The following PHKB variants were observed in gnomAD, a reference collection of about 807,000 sequenced individuals.
The protein encoded by PHKB is phosphorylase b kinase regulatory subunit beta.
In PHKB, 122 loss-of-function variants were observed where a neutral mutation model predicts 152.1. That is an observed-to-expected ratio of 0.80 (90% CI 0.69 to 0.93). The LOEUF (loss-of-function observed/expected upper bound fraction) is 0.93, where lower values mean the gene tolerates loss of function less well. PHKB is among the 40% of genes least tolerant of loss of function. The probability of loss-of-function intolerance (pLI) is 0.00; values close to 1 mark genes in which losing one functional copy is unlikely to be tolerated. For synonymous variants in PHKB, 436 were observed against 464.9 expected, an observed-to-expected ratio of 0.94 and a Z score of 0.80; for missense variants, 1,304 against 1,328.4, an observed-to-expected ratio of 0.98 and a Z score of 0.29.
chr16:47,642,907 C>T (rs566844708), intron 16 of PHKB, among the ~76,000 whole-genome samples: 123 of 152,246 alleles, frequency 8.1e-4, no homozygotes, highest in African/African-American at 2.6e-3. Flanking sequence ...GCGGAGGCAA[C>T]GTGGAGGGAG....
At position 47,577,801 on chromosome 16, in the gene PHKB, C is replaced by A. The variant is rs1433474604; in HGVS notation, c.711-2494C>A. 2.0e-5 allele frequency among the ~76,000 whole-genome samples: 3 copies of A among 152,086 alleles called. No homozygotes were observed. In the East Asian group the frequency reaches 5.8e-4, roughly 29 times the overall value. On this transcript the variant is annotated intron_variant, in intron 7 of 30. Transcript: ENST00000323584. The stretch of plus-strand genomic sequence containing the variant: ...GATTTTTTTCTTTGTCTTTAATTTT[C>A]AGAAGTTACGATGTGTCTTAGCATG...
chr16:47,650,682 C>A, intron 19 of PHKB, 56 bp downstream of exon 19: 1 of 1,326,044 alleles, frequency 7.5e-7, no homozygotes, highest in Non-Finnish European at 1.1e-6. Flanking sequence ...ACACAGTGAG[C>A]CCTTGGGAAG....
intron 1 of PHKB, among the ~76,000 whole-genome samples, chr16:47,468,292 C>CT (rs756234611): frequency 1.8e-4 from 27 of 152,222 alleles, no homozygotes; most frequent in Non-Finnish European, 2.8e-4. Context: ...TGAGATGGGT[C>CT]TTTAAGAAAT....
chr16:47,680,019 C>G (rs967264126), intron 26 of PHKB, among the ~76,000 whole-genome samples: 4 of 152,076 alleles, frequency 2.6e-5, no homozygotes, highest in South Asian at 2.1e-4. Context: ...TGCATCTATT[C>G]AGATAATCAT....
chr16:47,540,302 C>G (rs1240232310), intron 6 of PHKB, among the ~76,000 whole-genome samples: 1 of 148,208 alleles, frequency 6.7e-6, no homozygotes, highest in Non-Finnish European at 1.5e-5. Context: ...CTCTCGAACT[C>G]TGTTTTCTGT....
At chr16:47,640,484 A>T (rs145144254) in intron 14 of PHKB, among the ~76,000 whole-genome samples, 1,931 of 152,304 alleles carry the variant, frequency 0.013, 20 homozygotes, top group Non-Finnish European at 0.022. Flanking sequence ...GCATTTAATG[A>T]ATATAATGTA....
intron 8 of PHKB, among the ~76,000 whole-genome samples, chr16:47,583,086 C>G (rs1971877291): frequency 6.6e-6 from 1 of 152,166 alleles, no homozygotes; most frequent in African/African-American, 2.4e-5. Context: ...CATGAGCCAC[C>G]ACGCCGGGCC....
Position 47,669,265 on chromosome 16 carries a change from G to C in PHKB, c.2478G>C (p.Leu826Phe). The change falls in exon 26 of 31, where the codon TTG (leucine) becomes TTC (phenylalanine). Residue 826 changes from leucine (L) to phenylalanine (F), a missense_variant. Leu to Phe is a conservative substitution (Grantham distance 22). Transcript: ENST00000323584. ...AAGAAGAAGTTATCTCTAATCCTTT[G>C]TCTCCAAGAGTGATTCAAAACATCA... ...GHEEEVISNP[L>F]SPRVIQNIIY... 2 of 1,613,956 alleles carry C rather than the reference G, an allele frequency of 1.2e-6. No homozygotes were observed. Among genetic ancestry groups the C allele is most frequent in the Non-Finnish European group, 1.7e-6 (2 of 1,179,978 alleles).
intron 7 of PHKB, among the ~76,000 whole-genome samples, chr16:47,553,148 T>C (rs1045110143): frequency 6.6e-6 from 1 of 152,142 alleles, no homozygotes; most frequent in Admixed American, 6.5e-5. Flanking sequence ...GGTTCCATTC[T>C]CCCCATTACT....
intron 13 of PHKB, among the ~76,000 whole-genome samples, chr16:47,604,708 A>G (rs1972292722): frequency 6.6e-6 from 1 of 152,136 alleles, no homozygotes; most frequent in African/African-American, 2.4e-5. Context: ...GATTTTTCTT[A>G]ATATTTTCTT....
chr16:47,667,761 G>A (rs1390565598), intron 25 of PHKB, among the ~76,000 whole-genome samples: 1 of 152,206 alleles, frequency 6.6e-6, no homozygotes, highest in African/African-American at 2.4e-5. Context: ...AGCTTTTGGA[G>A]ACCTTCAAGG....
At chr16:47,640,436 A>G (rs983035653) in intron 14 of PHKB, among the ~76,000 whole-genome samples, 1 of 152,170 alleles carries the variant, frequency 6.6e-6, no homozygotes, top group East Asian at 1.9e-4. Flanking sequence ...CAAATATCCA[A>G]CACTGTCTTT....
At chr16:47,511,526 A>T in intron 4 of PHKB, 139 bp from the exon 5 acceptor site, 1 of 669,372 alleles carries the variant, frequency 1.5e-6, no homozygotes, top group Non-Finnish European at 2.7e-6. Context: ...TTTCTTGAGA[A>T]AAGGTAACGT....
Position 47,501,724 on chromosome 16 carries a change from A to T in PHKB, c.306-1267A>T, listed in dbSNP as rs1970328008. Among the ~76,000 whole-genome samples the T allele has an allele frequency of 2.6e-5, 4 of 152,320 alleles. No homozygotes were observed. In the East Asian group the frequency reaches 7.7e-4, roughly 29 times the overall value. On this transcript the variant is annotated intron_variant, in intron 3 of 30. Coordinates refer to ENST00000323584, the MANE Select transcript of PHKB (RefSeq NM_000293.3). Reference sequence around the variant, plus strand: ...CCTTTTAACTTTTTTGTAGATTTGAAATTTTTCTAAATAAAATGTTTACAG... The same window carrying T: ...CCTTTTAACTTTTTTGTAGATTTGATATTTTTCTAAATAAAATGTTTACAG...
At chr16:47,560,366 G>A (rs992937953) in intron 7 of PHKB, among the ~76,000 whole-genome samples, 2 of 152,166 alleles carry the variant, frequency 1.3e-5, no homozygotes, top group African/African-American at 4.8e-5. Flanking sequence ...GACATCCTAT[G>A]TTTATGTAAT....
Position 47,699,982 on chromosome 16 carries a change from A to C in PHKB, c.*616A>C, listed in dbSNP as rs1157168675. On this transcript the variant is annotated 3_prime_UTR_variant, in exon 31 of 31. Transcript: ENST00000323584. ...TATAGGGGTTGGACTAAAATATAAT[A>C]AATCTGTACCTTATCAAACATTTTC... 1 of 157,474 alleles carries C rather than the reference A, an allele frequency of 6.4e-6. No homozygotes were observed. The highest frequency in any genetic ancestry group is 6.1e-5 in the Admixed American group (1 of 16,444). 9.8% of individuals were successfully genotyped at this position (157,474 alleles called of 1,614,324 possible).
rs146384745 is a variant in PHKB at position 47,659,378 on chromosome 16, G to A, written c.1972-1128G>A. Among the ~76,000 whole-genome samples, 236 of 152,088 alleles carry A rather than the reference G, an allele frequency of 1.6e-3. 1 individual carries two copies. Among genetic ancestry groups the A allele is most frequent in the African/African-American group, 5.3e-3 (219 of 41,504 alleles). ...TGAGAAAATAGAGAAAATAATATAT[G>A]TTATAAATATTTTATAAATATGTAA... On this transcript the variant is annotated intron_variant, in intron 20 of 30. Coordinates refer to ENST00000323584, the MANE Select transcript of PHKB (RefSeq NM_000293.3).
chr16:47,532,056 T>C (rs1454369851), intron 6 of PHKB, among the ~76,000 whole-genome samples: 1 of 152,174 alleles, frequency 6.6e-6, no homozygotes, highest in Non-Finnish European at 1.5e-5. Context: ...CTATTACTTA[T>C]CAATTTAAAA....
intron 1 of PHKB, among the ~76,000 whole-genome samples, chr16:47,483,190 CA>C (rs552395131): frequency 0.029 from 4,373 of 151,774 alleles, 129 homozygotes; most frequent in East Asian, 0.089. Flanking sequence ...AGGCGCCCAC[CA>C]CCACACCCAG....
Sources: gnomAD v4.1 joint callset for allele counts (sites outside exome capture counted in the v4.1 genomes callset) on GRCh38, gnomAD v4.1.1 for gene constraint, MANE v1.5 for transcripts, NCBI Gene and HGNC (gene_info 2026-07-23, HGNC 2026-07-21) for gene names.